The following CSMD1 variants were observed in gnomAD, a reference collection of about 807,000 sequenced individuals.
The protein encoded by CSMD1 is CUB and sushi domain-containing protein 1.
A neutral mutation model predicts 417.5 loss-of-function variants in CSMD1; 213 were observed. That is an observed-to-expected ratio of 0.51 (90% confidence interval 0.46 to 0.57). The LOEUF (loss-of-function observed/expected upper bound fraction) is 0.57, where lower values mean the gene tolerates loss of function less well. Among genes scored for constraint, CSMD1 ranks in the 20% least tolerant of loss-of-function variants. The pLI is 0.00. For missense variants in CSMD1, 6,923 were observed against 4,529.7 expected (o/e 1.53, Z -15.17); for synonymous variants, 2,862 against 1,736.8 (o/e 1.65, Z -16.11).
intron 2 of CSMD1, among the ~76,000 whole-genome samples, chr8:4,607,615 G>C (rs1373965885): frequency 6.6e-6 from 1 of 151,802 alleles, no homozygotes; most frequent in Non-Finnish European, 1.5e-5. Flanking sequence ...CATCATGAGA[G>C]TTCTGGCGCC....
intron 1 of CSMD1, among the ~76,000 whole-genome samples, chr8:4,906,389 T>A (rs905894330): frequency 1.3e-5 from 2 of 152,232 alleles, no homozygotes; most frequent in Non-Finnish European, 2.9e-5. Context: ...AACACTGAGT[T>A]GTCAAAGGGA....
chr8:3,499,816 G>A (rs1435538851), intron 10 of CSMD1, among the ~76,000 whole-genome samples: 2 of 152,120 alleles, frequency 1.3e-5, no homozygotes, highest in East Asian at 1.9e-4. Flanking sequence ...ATGTGGAGAT[G>A]CTACTGGCCC....
At chr8:4,947,676 G>C (rs1249891640) in intron 1 of CSMD1, among the ~76,000 whole-genome samples, 1 of 151,972 alleles carries the variant, frequency 6.6e-6, no homozygotes, top group African/African-American at 2.4e-5. Flanking sequence ...ATCATTCTTG[G>C]CATTGAAAAA....
chr8:4,055,548 GA>G (rs1366422838), intron 3 of CSMD1, among the ~76,000 whole-genome samples: 2 of 140,928 alleles, frequency 1.4e-5, no homozygotes, highest in Non-Finnish European at 2.9e-5. Flanking sequence ...GAATTTTAAT[GA>G]ATATCATATA....
intron 5 of CSMD1, among the ~76,000 whole-genome samples, chr8:3,810,158 G>A (rs540817716): frequency 6.6e-6 from 1 of 152,168 alleles, no homozygotes; most frequent in Non-Finnish European, 1.5e-5. Flanking sequence ...CTATCATAGT[G>A]CCAGGCATAT....
chr8:4,358,102 T>C (rs145701146), intron 3 of CSMD1, among the ~76,000 whole-genome samples: 2 of 152,200 alleles, frequency 1.3e-5, no homozygotes, highest in Non-Finnish European at 2.9e-5. Flanking sequence ...ACATATGCTA[T>C]GATCAGCCAA....
chr8:3,382,563 CTATATA>C (rs992302786), intron 18 of CSMD1, among the ~76,000 whole-genome samples: 1 of 33,068 alleles, frequency 3.0e-5, no homozygotes, highest in Non-Finnish European at 7.3e-5. Flanking sequence ...ATGTCTTTCT[CTATATA>C]TATCTATAAT....
intron 5 of CSMD1, among the ~76,000 whole-genome samples, chr8:3,992,151 T>A (rs972295739): frequency 6.6e-6 from 1 of 151,102 alleles, no homozygotes; most frequent in Admixed American, 6.6e-5. Context: ...TGTACATATA[T>A]TATATATATT....
chr8:4,011,016 C>T (rs543522642), intron 4 of CSMD1, among the ~76,000 whole-genome samples: 1 of 152,178 alleles, frequency 6.6e-6, no homozygotes, highest in East Asian at 1.9e-4. Context: ...CTGTTTCATG[C>T]CTTCTTCCTT....
chr8:3,683,371 T>C (rs1799767606), intron 7 of CSMD1, among the ~76,000 whole-genome samples: 1 of 152,124 alleles, frequency 6.6e-6, no homozygotes, highest in Non-Finnish European at 1.5e-5. Context: ...AGTGAGCTGT[T>C]TATTCTGGGC....
chr8:4,010,535 A>C (rs1407257433), intron 4 of CSMD1, among the ~76,000 whole-genome samples: 1 of 151,392 alleles, frequency 6.6e-6, no homozygotes, highest in Non-Finnish European at 1.5e-5. Context: ...TCCCATCATC[A>C]CCCTCTATCT....
At chr8:4,803,036 C>T (rs1194377443) in intron 1 of CSMD1, among the ~76,000 whole-genome samples, 2 of 152,102 alleles carry the variant, frequency 1.3e-5, no homozygotes, top group Non-Finnish European at 2.9e-5. Context: ...TTCTCCGGTG[C>T]CATTTCTAAT....
chr8:4,710,372 T>C (rs1808210035), intron 1 of CSMD1, among the ~76,000 whole-genome samples: 1 of 148,630 alleles, frequency 6.7e-6, no homozygotes, highest in South Asian at 2.1e-4. Context: ...TAAATAAACA[T>C]ATGAAGTAAA....
At chr8:3,511,822 C>CAT (rs1563108913) in intron 10 of CSMD1, among the ~76,000 whole-genome samples, 1 of 137,280 alleles carries the variant, frequency 7.3e-6, no homozygotes, top group Non-Finnish European at 1.6e-5. Context: ...CATAACATAA[C>CAT]AATAAATAAA....
intron 12 of CSMD1, among the ~76,000 whole-genome samples, chr8:3,410,766 T>C (rs545521517): frequency 4.6e-5 from 7 of 152,298 alleles, no homozygotes; most frequent in East Asian, 3.9e-4. Context: ...TGAGACAGGA[T>C]CTCACTCTGT....
At chr8:4,159,771 G>T (rs916747683) in intron 3 of CSMD1, among the ~76,000 whole-genome samples, 4 of 152,258 alleles carry the variant, frequency 2.6e-5, no homozygotes, top group African/African-American at 7.2e-5. Context: ...TATATTTTTA[G>T]TAGAGATGGG....
chr8:4,120,164 A>G (rs1405386164), intron 3 of CSMD1, among the ~76,000 whole-genome samples: 1 of 152,144 alleles, frequency 6.6e-6, no homozygotes, highest in Non-Finnish European at 1.5e-5. Context: ...CATCTCACGT[A>G]CCCCATAAAT....
chr8:4,476,191 T>A lies in CSMD1; in HGVS notation c.303-56126A>T, dbSNP rs532108097. ...ATATAGTTTGCTTCACCAGCATAAC[T>A]GATAATTTCTTTTTAACAGAAAATA... On this transcript the variant is annotated intron_variant, in intron 2 of 69. Coordinates refer to ENST00000635120, the MANE Select transcript of CSMD1 (RefSeq NM_033225.6). 2.0e-5 allele frequency among the ~76,000 whole-genome samples: 3 copies of A among 152,258 alleles called. No homozygotes were observed. In the South Asian group the frequency reaches 6.2e-4, roughly 32 times the overall value.
chr8:4,724,794 T>C (rs954403918), intron 1 of CSMD1, among the ~76,000 whole-genome samples: 19 of 152,098 alleles, frequency 1.2e-4, no homozygotes, highest in Non-Finnish European at 5.9e-5. Flanking sequence ...AGCCTTGTAG[T>C]ATGAATCAAG....
Sources: gnomAD v4.1 joint callset for allele counts (sites outside exome capture counted in the v4.1 genomes callset) on GRCh38, gnomAD v4.1.1 for gene constraint, MANE v1.5 for transcripts, NCBI Gene and HGNC (gene_info 2026-07-23, HGNC 2026-07-21) for gene names.